The following SPPL3 variants were observed in gnomAD, a reference collection of about 807,000 sequenced individuals.
SPPL3 encodes signal peptide peptidase like 3, also known as signal peptide peptidase-like 3.
In SPPL3, 5 loss-of-function variants were observed where a neutral mutation model predicts 42.4. The ratio of observed to expected loss-of-function variants is 0.12; its 90% CI spans 0.06 to 0.25. The LOEUF (loss-of-function observed/expected upper bound fraction) is 0.25. SPPL3 is among the 10% of genes least tolerant of loss of function. SPPL3 has a pLI of 1.00. For missense variants in SPPL3, 235 were observed against 489.0 expected, an observed-to-expected ratio of 0.48 and a Z score of 4.90; for synonymous variants, 195 against 181.8, an observed-to-expected ratio of 1.07 and a Z score of -0.58.
chr12:120,897,206 C>G (rs1873834135), intron 1 of SPPL3, among the ~76,000 whole-genome samples: 2 of 152,130 alleles, frequency 1.3e-5, no homozygotes, highest in African/African-American at 4.8e-5. Context: ...TTGAGAAATG[C>G]ATGATCATTA....
chr12:120,840,256 C>T (rs1397941250), intron 1 of SPPL3, among the ~76,000 whole-genome samples: 3 of 112,784 alleles, frequency 2.7e-5, no homozygotes, highest in Non-Finnish European at 4.9e-5. Flanking sequence ...CCAGCCTGAG[C>T]GACAGAGTGA....
At chr12:120,845,627 G>C in intron 1 of SPPL3, 1 of 432,648 alleles carries the variant, frequency 2.3e-6, no homozygotes, top group Non-Finnish European at 4.5e-6. Flanking sequence ...AAAGGCCCTT[G>C]AAGACGTTGG....
At chr12:120,867,975 A>G (rs1211237900) in intron 1 of SPPL3, among the ~76,000 whole-genome samples, 1 of 152,040 alleles carries the variant, frequency 6.6e-6, no homozygotes, top group Non-Finnish European at 1.5e-5. Flanking sequence ...TCGAACTCCT[A>G]ACCTCAAGTG....
chr12:120,891,291 AAACT>A (rs1308996082), intron 1 of SPPL3, among the ~76,000 whole-genome samples: 1 of 152,210 alleles, frequency 6.6e-6, no homozygotes, highest in Non-Finnish European at 1.5e-5. Context: ...TTCAAAAACA[AAACT>A]AACTCCTAAT....
chr12:120,888,166 CTT>C (rs1873521030), intron 1 of SPPL3, among the ~76,000 whole-genome samples: 1 of 152,208 alleles, frequency 6.6e-6, no homozygotes, highest in African/African-American at 2.4e-5. Flanking sequence ...ACCTCTGCCT[CTT>C]GCGTTCAAGT....
At chr12:120,795,442 T>C (rs556158672) in intron 2 of SPPL3, among the ~76,000 whole-genome samples, 5 of 152,320 alleles carry the variant, frequency 3.3e-5, no homozygotes, top group Admixed American at 3.3e-4. Context: ...CGGTAGTGTA[T>C]GGTATGTCAA....
intron 1 of SPPL3, among the ~76,000 whole-genome samples, chr12:120,841,233 G>A (rs927509872): frequency 1.3e-5 from 2 of 151,854 alleles, no homozygotes; most frequent in Non-Finnish European, 2.9e-5. Context: ...GCTGAGGCAG[G>A]AGAATCGGTT....
At chr12:120,850,591 G>A (rs1031242605) in intron 1 of SPPL3, among the ~76,000 whole-genome samples, 13 of 151,522 alleles carry the variant, frequency 8.6e-5, no homozygotes, top group South Asian at 4.2e-4. Flanking sequence ...GACAGTGGAC[G>A]TTAGGGTTTT....
At chr12:120,803,392 A>G (rs193122393) in intron 2 of SPPL3, among the ~76,000 whole-genome samples, 22 of 152,262 alleles carry the variant, frequency 1.4e-4, no homozygotes, top group Non-Finnish European at 1.6e-4. Flanking sequence ...TGGAGGGGAG[A>G]GCAGATCAGT....
chr12:120,802,875 G>A (rs1870363587), intron 2 of SPPL3, among the ~76,000 whole-genome samples: 1 of 152,174 alleles, frequency 6.6e-6, no homozygotes, highest in Non-Finnish European at 1.5e-5. Flanking sequence ...ACAACATCCT[G>A]TTGCCCACTG....
intron 1 of SPPL3, among the ~76,000 whole-genome samples, chr12:120,886,275 C>T (rs1211165943): frequency 6.6e-6 from 1 of 152,142 alleles, no homozygotes; most frequent in Non-Finnish European, 1.5e-5. Flanking sequence ...CATCTGCTGG[C>T]ATTTGACACC....
At chr12:120,812,799 A>G (rs973046440) in intron 1 of SPPL3, among the ~76,000 whole-genome samples, 2 of 152,244 alleles carry the variant, frequency 1.3e-5, no homozygotes, top group African/African-American at 4.8e-5. Context: ...AGCCTCTCTA[A>G]GCTTCAGCTT....
intron 1 of SPPL3, among the ~76,000 whole-genome samples, chr12:120,837,821 T>TAC (rs199999285): frequency 0.015 from 2,280 of 151,352 alleles, 40 homozygotes; most frequent in African/African-American, 0.045. Context: ...AGCTGTTACA[T>TAC]ACACACACAC....
At chr12:120,887,038 A>C (rs1220260753) in intron 1 of SPPL3, among the ~76,000 whole-genome samples, 1 of 151,698 alleles carries the variant, frequency 6.6e-6, no homozygotes, top group South Asian at 2.1e-4. Context: ...CAGTGGCACG[A>C]TCTCGGCTCA....
intron 1 of SPPL3, among the ~76,000 whole-genome samples, chr12:120,877,794 G>A (rs681125): frequency 0.88 from 125,402 of 141,922 alleles, 55,972 homozygotes; most frequent in East Asian, 1. Flanking sequence ...AAAAAAAAAA[G>A]AAAGAAAGAA....
At chr12:120,824,470 A>C (rs756617029) in intron 1 of SPPL3, among the ~76,000 whole-genome samples, 2 of 152,222 alleles carry the variant, frequency 1.3e-5, no homozygotes, top group African/African-American at 4.8e-5. Context: ...AATACTACAG[A>C]GTAAGTTCTA....
At chr12:120,841,738 A>G (rs1871839590) in intron 1 of SPPL3, among the ~76,000 whole-genome samples, 1 of 152,206 alleles carries the variant, frequency 6.6e-6, no homozygotes, top group Non-Finnish European at 1.5e-5. Context: ...CTTGTTATCC[A>G]AATCTATTCA....
chr12:120,881,628 G>C (rs1026165873), intron 1 of SPPL3, among the ~76,000 whole-genome samples: 10 of 150,946 alleles, frequency 6.6e-5, no homozygotes, highest in Non-Finnish European at 1.3e-4. Context: ...ATTACTCATA[G>C]TAACTAAAAG....
chr12:120,844,506 C>T (rs566054151), intron 1 of SPPL3, among the ~76,000 whole-genome samples: 2 of 152,244 alleles, frequency 1.3e-5, no homozygotes, highest in African/African-American at 4.8e-5. Flanking sequence ...CTCAATCTTA[C>T]CCTTCTTTCC....
Sources: gnomAD v4.1 joint callset for allele counts (sites outside exome capture counted in the v4.1 genomes callset) on GRCh38, gnomAD v4.1.1 for gene constraint, MANE v1.5 for transcripts, NCBI Gene and HGNC (gene_info 2026-07-23, HGNC 2026-07-21) for gene names.